The following INTS6 variants were observed in gnomAD, a reference collection of about 807,000 sequenced individuals.
The protein encoded by INTS6 is integrator complex subunit 6.
In INTS6, 16 loss-of-function variants were observed where a neutral mutation model predicts 104.9. The ratio of observed to expected loss-of-function variants is 0.15; its 90% CI spans 0.10 to 0.23. The LOEUF is 0.23. INTS6 is among the 10% of genes least tolerant of loss of function. The pLI, the probability that INTS6 is intolerant of heterozygous loss-of-function variation, is 1.00. For synonymous variants in INTS6, 324 were observed against 358.7 expected, an observed-to-expected ratio of 0.90 and a Z score of 1.09; for missense variants, 584 against 1,062.8, an observed-to-expected ratio of 0.55 and a Z score of 6.26.
At position 51,403,357 on chromosome 13, in the gene INTS6, C is replaced by T. The variant is rs116599006; in HGVS notation, c.430-7874G>A. On this transcript the variant is annotated intron_variant, in intron 4 of 17. Transcript: ENST00000311234. Reference sequence around the variant, plus strand: ...CCAGCACTTTGGGAGCCCAAGGTCACGGATCACGAGGTCAGCAGATCGAGA... The same window carrying T: ...CCAGCACTTTGGGAGCCCAAGGTCATGGATCACGAGGTCAGCAGATCGAGA... Among the ~76,000 whole-genome samples the T allele has an allele frequency of 6.1e-3, 934 of 152,068 alleles. 10 individuals are homozygous for T. The highest frequency in any genetic ancestry group is 0.021 in the African/African-American group (871 of 41,510).
Position 51,365,169 on chromosome 13 carries a change from C to T in INTS6, c.*583G>A, listed in dbSNP as rs1349210199. 1 of 152,458 alleles carries T rather than the reference C, an allele frequency of 6.6e-6. No individual in the cohort carries two copies. Among genetic ancestry groups the T allele is most frequent in the African/African-American group, 2.4e-5 (1 of 41,422 alleles). 9.4% of individuals were successfully genotyped at this position (152,458 alleles called of 1,614,324 possible). A position where few individuals can be genotyped will look rare whatever the true frequency, so the allele number is the denominator to read the frequency against. On this transcript the variant is annotated 3_prime_UTR_variant, in exon 18 of 18. Transcript: ENST00000311234. ...AGCAAGGCCTTTAAAATTCCATTAT[C>T]TTAGGATGTTTTTAAATGATTACTT...
At chr13:51,384,558 C>T (rs1356290862) in intron 7 of INTS6, 4 of 451,252 alleles carry the variant, frequency 8.9e-6, no homozygotes, top group Admixed American at 2.4e-5. Flanking sequence ...TAACTACCCA[C>T]TAGACATAAC....
intron 3 of INTS6, among the ~76,000 whole-genome samples, chr13:51,355,834 A>G (rs1188829376): frequency 6.6e-6 from 1 of 152,136 alleles, no homozygotes; most frequent in African/African-American, 2.4e-5. Flanking sequence ...TGCCAACTCA[A>G]AGGCTCAGGT....
At chr13:51,368,206 G>A (rs141170061) in intron 16 of INTS6, among the ~76,000 whole-genome samples, 50 of 152,104 alleles carry the variant, frequency 3.3e-4, no homozygotes, top group African/African-American at 1.1e-3. Context: ...AGAACAAGTG[G>A]CCTTTACAAA....
chr13:51,431,721 G>A (rs1957093633), intron 3 of INTS6, among the ~76,000 whole-genome samples: 1 of 151,962 alleles, frequency 6.6e-6, no homozygotes, highest in Non-Finnish European at 1.5e-5. Flanking sequence ...TCTAATTGGT[G>A]CCCAAGAAAA....
chr13:51,429,785 A>AAAAAAAAAAAAAAAATATATATATATAT (rs1156333077), intron 4 of INTS6, among the ~76,000 whole-genome samples: 1 of 92,358 alleles, frequency 1.1e-5, no homozygotes, highest in Non-Finnish European at 2.0e-5. Context: ...AAAAAAAAAA[A>AAAAAAAAAAAAAAAATATATATATATAT]ATATATATAT....
At chr13:51,384,924 T>TC in intron 7 of INTS6, 1 of 332,624 alleles carries the variant, frequency 3.0e-6, no homozygotes, top group Non-Finnish European at 5.9e-6. Flanking sequence ...TCAGTCCCTG[T>TC]CTGATCAATC....
In INTS6 at chr13:51,438,727, T is replaced by A. The variant is rs548916078; in HGVS notation, c.340-8344A>T. On this transcript the variant is annotated intron_variant, in intron 3 of 17. Coordinates refer to ENST00000311234, the MANE Select transcript of INTS6 (RefSeq NM_012141.3). ...TTTAAGAAATGTGATTACACAAAATTCAAAATTTTACATTCATTATTTCAT... is the reference window on the plus strand; with the variant it reads ...TTTAAGAAATGTGATTACACAAAATACAAAATTTTACATTCATTATTTCAT... 19 of 152,332 alleles carry A rather than the reference T, an allele frequency of 1.2e-4. 1 individual carries two copies. The South Asian group carries it at 3.7e-3, about 30-fold the overall frequency. 9.4% of individuals were successfully genotyped at this position (152,332 alleles called of 1,614,324 possible).
At chr13:51,341,225 G>A in the INTS6 span, 12 of 1,613,902 alleles carry the variant, frequency 7.4e-6, no homozygotes, top group Non-Finnish European at 8.5e-6. Flanking sequence ...GCCGCGTGTA[G>A]AAATGAGACG....
At chr13:51,433,826 C>T (rs1957139432) in intron 3 of INTS6, among the ~76,000 whole-genome samples, 1 of 152,116 alleles carries the variant, frequency 6.6e-6, no homozygotes, top group East Asian at 1.9e-4. Flanking sequence ...CTTAAACGGG[C>T]CTGAAATTAC....
At chr13:51,398,905 G>C (rs1024866770) in intron 4 of INTS6, among the ~76,000 whole-genome samples, 3 of 152,060 alleles carry the variant, frequency 2.0e-5, no homozygotes, top group Admixed American at 1.3e-4. Flanking sequence ...TCAAAACAAT[G>C]TTTTTTGGGT....
At chr13:51,337,192 G>T in the INTS6 span, among the ~76,000 whole-genome samples, 1 of 152,250 alleles carries the variant, frequency 6.6e-6, no homozygotes, top group East Asian at 1.9e-4. Flanking sequence ...CTACAAATGG[G>T]ACTCCTCCTG....
At chr13:51,396,786 CA>C (rs1208823090) in intron 4 of INTS6, among the ~76,000 whole-genome samples, 1 of 151,914 alleles carries the variant, frequency 6.6e-6, no homozygotes, top group African/African-American at 2.4e-5. Flanking sequence ...CTGGTTTCTC[CA>C]ATAAATCAGT....
chr13:51,428,880 A>G (rs2138093939), intron 4 of INTS6, among the ~76,000 whole-genome samples: 1 of 152,276 alleles, frequency 6.6e-6, no homozygotes. Context: ...CAACTGTTCA[A>G]ATAAAACAAT....
intron 4 of INTS6, among the ~76,000 whole-genome samples, chr13:51,396,595 A>G (rs1390226799): frequency 2.0e-5 from 3 of 152,196 alleles, no homozygotes; most frequent in Admixed American, 6.5e-5. Context: ...AACATCAACT[A>G]TAAAGGATTC....
chr13:51,407,555 G>T (rs1167885365), intron 4 of INTS6, among the ~76,000 whole-genome samples: 1 of 152,182 alleles, frequency 6.6e-6, no homozygotes, highest in Non-Finnish European at 1.5e-5. Context: ...AAAATCCAGG[G>T]ACTGATACCA....
chr13:51,422,218 T>G (rs1424601589), intron 4 of INTS6, among the ~76,000 whole-genome samples: 2 of 152,162 alleles, frequency 1.3e-5, no homozygotes, highest in African/African-American at 2.4e-5. Flanking sequence ...CCTTTATTTT[T>G]TATCACCCAC....
At chr13:51,395,524 ACTATTTTTTC>A (rs1419600293) in intron 4 of INTS6, 41 bp from the exon 5 acceptor site, 1 of 1,547,240 alleles carries the variant, frequency 6.5e-7, no homozygotes, top group Non-Finnish European at 8.7e-7. Context: ...AATTCCACAG[ACTATTTTTTC>A]AAAAAGCCTA....
chr13:51,352,403 C>G (rs1955413444), downstream of INTS6, among the ~76,000 whole-genome samples: 1 of 151,720 alleles, frequency 6.6e-6, no homozygotes, highest in Admixed American at 6.6e-5. Flanking sequence ...CGTATACAAA[C>G]ACAATTGATT....
Sources: gnomAD v4.1 joint callset for allele counts (sites outside exome capture counted in the v4.1 genomes callset) on GRCh38, gnomAD v4.1.1 for gene constraint, MANE v1.5 for transcripts, NCBI Gene and HGNC (gene_info 2026-07-23, HGNC 2026-07-21) for gene names.